Variants in MYOM1 observed in about 807,000 individuals in gnomAD.
MYOM1 encodes myomesin 1.
Under a neutral mutation model 205.3 loss-of-function variants are expected in MYOM1, and 164 were observed. That is an observed-to-expected ratio of 0.80 (90% CI 0.70 to 0.91). MYOM1 has a LOEUF of 0.91. Among genes scored for constraint, MYOM1 ranks in the 40% least tolerant of loss-of-function variants. The probability of loss-of-function intolerance (pLI) is 0.00; values close to 1 mark genes in which losing one functional copy is unlikely to be tolerated. For missense variants in MYOM1, 2,011 were observed against 2,127.3 expected (o/e 0.95, Z 1.08); for synonymous variants, 772 against 789.4 (o/e 0.98, Z 0.37).
intron 15 of MYOM1, 176 bp from the exon 16 acceptor site, chr18:3,135,000 G>A (rs1349540297): frequency 6.1e-5 from 37 of 609,238 alleles, no homozygotes; most frequent in Non-Finnish European, 5.6e-6. Context: ...CCAGGCTGGA[G>A]AGCAGTGGCG....
At chr18:3,121,976 A>G (rs935554267) in intron 19 of MYOM1, among the ~76,000 whole-genome samples, 1 of 152,066 alleles carries the variant, frequency 6.6e-6, no homozygotes, top group Admixed American at 6.6e-5. Context: ...AAAATTAGCC[A>G]GGCGTGGTGG....
intron 20 of MYOM1, among the ~76,000 whole-genome samples, chr18:3,117,120 G>A (rs1420636886): frequency 1.3e-5 from 2 of 152,172 alleles, no homozygotes; most frequent in Non-Finnish European, 1.5e-5. Context: ...GCCTCCCAAA[G>A]TGTTGGGATT....
intron 1 of MYOM1, chr18:3,216,874 C>T (rs1230273635): frequency 6.6e-6 from 1 of 152,152 alleles, no homozygotes; most frequent in Non-Finnish European, 1.5e-5. Context: ...TGTTGAAGCC[C>T]TAACCTCCAG....
chr18:3,159,976 C>A (rs1377427842), intron 10 of MYOM1, among the ~76,000 whole-genome samples: 1 of 147,020 alleles, frequency 6.8e-6, no homozygotes, highest in East Asian at 2.0e-4. Context: ...CCTTCCTTCT[C>A]TCTCTCCCTC....
At chr18:3,206,668 C>T (rs1268486754) in intron 2 of MYOM1, among the ~76,000 whole-genome samples, 1 of 145,852 alleles carries the variant, frequency 6.9e-6, no homozygotes, top group Non-Finnish European at 1.5e-5. Flanking sequence ...CAGGCAATCC[C>T]GGTGGCCTAA....
Position 3,177,303 on chromosome 18 carries a change from A to G in MYOM1, c.930-1169T>C, listed in dbSNP as rs575914950. On this transcript the variant is annotated intron_variant, in intron 5 of 37. Coordinates refer to ENST00000356443, the MANE Select transcript of MYOM1 (RefSeq NM_003803.4). ...ATAAATAAAACAAATAAATACATAA[A>G]TAAGCTTTTTAAAAAGTTGACCACT... Among the ~76,000 whole-genome samples, 30 of 152,208 alleles carry G rather than the reference A, an allele frequency of 2.0e-4. No homozygotes were observed. In the East Asian group the frequency reaches 5.4e-3, roughly 27 times the overall value.
intron 13 of MYOM1, among the ~76,000 whole-genome samples, chr18:3,144,105 C>G (rs1264575990): frequency 6.6e-6 from 1 of 151,858 alleles, no homozygotes; most frequent in Non-Finnish European, 1.5e-5. Context: ...ACTCAGGAGC[C>G]TGAGGCAGGA....
intron 2 of MYOM1, among the ~76,000 whole-genome samples, chr18:3,199,176 A>G (rs193014534): frequency 6.6e-6 from 1 of 152,334 alleles, no homozygotes; most frequent in East Asian, 1.9e-4. Context: ...CATGAAAAGG[A>G]GCAGCCAGGG....
chr18:3,093,866 C>T (rs1290056537), intron 26 of MYOM1, among the ~76,000 whole-genome samples: 2 of 152,104 alleles, frequency 1.3e-5, no homozygotes, highest in Non-Finnish European at 2.9e-5. Context: ...AGGGTATGGG[C>T]TCCTCTGCCT....
chr18:3,170,280 G>A (rs534503920), intron 8 of MYOM1, among the ~76,000 whole-genome samples: 9 of 152,200 alleles, frequency 5.9e-5, no homozygotes, highest in Admixed American at 2.0e-4. Flanking sequence ...GAATTGGAAC[G>A]TCCCTAATAC....
chr18:3,118,367 A>C (rs541841523), intron 20 of MYOM1, among the ~76,000 whole-genome samples: 3 of 152,104 alleles, frequency 2.0e-5, no homozygotes, highest in African/African-American at 7.2e-5. Flanking sequence ...TTTTAAAGAC[A>C]GACAGAGCCT....
chr18:3,183,511 T>C (rs115761110), intron 5 of MYOM1, among the ~76,000 whole-genome samples: 2,063 of 152,282 alleles, frequency 0.014, 50 homozygotes, highest in African/African-American at 0.047. Context: ...GGTTGGTTGG[T>C]GTCCAGCCAA....
intron 13 of MYOM1, among the ~76,000 whole-genome samples, chr18:3,142,464 A>ACTCC (rs1284025989): frequency 1.3e-5 from 2 of 151,552 alleles, no homozygotes; most frequent in Non-Finnish European, 2.9e-5. Flanking sequence ...AGAGTTGAGG[A>ACTCC]CTCCCTATGT....
At chr18:3,104,880 G>C (rs1188078508) in intron 22 of MYOM1, among the ~76,000 whole-genome samples, 1 of 149,846 alleles carries the variant, frequency 6.7e-6, no homozygotes, top group Non-Finnish European at 1.5e-5. Flanking sequence ...CCAAGTAGCT[G>C]GGATCACAGG....
intron 2 of MYOM1, among the ~76,000 whole-genome samples, chr18:3,203,728 CTT>C (rs57414934): frequency 1.4e-5 from 2 of 145,138 alleles, no homozygotes. Context: ...AATCATTTCT[CTT>C]TTTTTTTTTT....
intron 5 of MYOM1, among the ~76,000 whole-genome samples, chr18:3,186,643 C>T (rs962494088): frequency 6.6e-6 from 1 of 151,934 alleles, no homozygotes; most frequent in Non-Finnish European, 1.5e-5. Flanking sequence ...GTAATATCTG[C>T]CTTCCAATTC....
intron 8 of MYOM1, among the ~76,000 whole-genome samples, chr18:3,172,763 C>A (rs12953321): frequency 1.3e-5 from 2 of 151,900 alleles, no homozygotes; most frequent in Admixed American, 1.3e-4. Flanking sequence ...CACCCACCTC[C>A]GCCTCGCAAA....
chr18:3,197,532 T>C (rs887444530), intron 2 of MYOM1, among the ~76,000 whole-genome samples: 1 of 152,166 alleles, frequency 6.6e-6, no homozygotes, highest in Non-Finnish European at 1.5e-5. Context: ...TATGAAACAT[T>C]CAATCAATAG....
intron 20 of MYOM1, among the ~76,000 whole-genome samples, chr18:3,117,714 A>C (rs1403188406): frequency 6.6e-6 from 1 of 152,078 alleles, no homozygotes; most frequent in Non-Finnish European, 1.5e-5. Context: ...AAATCACCTG[A>C]AGTGACTCAC....
Sources: gnomAD v4.1 joint callset for allele counts (sites outside exome capture counted in the v4.1 genomes callset) on GRCh38, gnomAD v4.1.1 for gene constraint, MANE v1.5 for transcripts, NCBI Gene and HGNC (gene_info 2026-07-23, HGNC 2026-07-21) for gene names.